The following PACSIN2 variants were observed in gnomAD, a reference collection of about 807,000 sequenced individuals.
The protein encoded by PACSIN2 is protein kinase C and casein kinase substrate in neurons 2, also known as protein kinase C and casein kinase substrate in neurons protein 2.
In PACSIN2, 25 loss-of-function variants were observed where a neutral mutation model predicts 63.8. The observed-to-expected ratio is 0.39, with a 90% CI of 0.29 to 0.55. The LOEUF (loss-of-function observed/expected upper bound fraction) is 0.55, where lower values mean the gene tolerates loss of function less well. Among genes scored for constraint, PACSIN2 ranks in the 20% least tolerant of loss-of-function variants. The probability of loss-of-function intolerance (pLI) is 0.62; values close to 1 mark genes in which losing one functional copy is unlikely to be tolerated. For synonymous variants in PACSIN2, 255 were observed against 256.2 expected (o/e 1.00, Z 0.05); for missense variants, 518 against 646.9 (o/e 0.80, Z 2.16).
chr22:42,978,601 A>G (rs1434518351), intron 1 of PACSIN2, among the ~76,000 whole-genome samples: 1 of 152,212 alleles, frequency 6.6e-6, no homozygotes, highest in East Asian at 1.9e-4. Context: ...GAAGGTTTCC[A>G]TGCCCGCACT....
At position 43,009,863 on chromosome 22, in the gene PACSIN2, C is replaced by CTTTTTTT. The variant is rs762256300; in HGVS notation, c.-78+5157_-78+5158insAAAAAAA. The stretch of plus-strand genomic sequence containing the variant: ...TAGTTGAGACATCATTTTATTTTTT[C>CTTTTTTT]TATTTTTTTTTTTTTTTTTTTTTGA... On this transcript the variant is annotated intron_variant, in intron 1 of 10. Coordinates refer to ENST00000263246, the MANE Select transcript of PACSIN2 (RefSeq NM_001184970.3). Among the ~76,000 whole-genome samples the CTTTTTTT allele has an allele frequency of 2.0e-4, 26 of 131,814 alleles. 1 individual carries two copies. The highest frequency in any genetic ancestry group is 4.0e-4 in the Admixed American group (5 of 12,414). The allele number at this position is 131,814 out of a possible 152,430, so 86.5% of individuals were successfully genotyped here. A position where few individuals can be genotyped will look rare whatever the true frequency, so the allele number is the denominator to read the frequency against.
chr22:42,880,786 C>G (rs1420797705), intron 7 of PACSIN2, among the ~76,000 whole-genome samples: 5 of 151,892 alleles, frequency 3.3e-5, no homozygotes, highest in Non-Finnish European at 5.9e-5. Context: ...CTCCAGGAGA[C>G]AGACTGTCAA....
At chr22:42,908,616 T>C (rs1931242626) in intron 2 of PACSIN2, among the ~76,000 whole-genome samples, 1 of 152,178 alleles carries the variant, frequency 6.6e-6, no homozygotes, top group Non-Finnish European at 1.5e-5. Context: ...GGCTCTGACT[T>C]GCTGAGGGAG....
At chr22:42,964,519 CT>C (rs1439048227) in intron 1 of PACSIN2, among the ~76,000 whole-genome samples, 1 of 152,006 alleles carries the variant, frequency 6.6e-6, no homozygotes, top group Non-Finnish European at 1.5e-5. Flanking sequence ...TCGCCTCAGT[CT>C]TTCCCTAGCA....
intron 1 of PACSIN2, among the ~76,000 whole-genome samples, chr22:42,931,402 C>T (rs2146775226): frequency 6.6e-6 from 1 of 152,338 alleles, no homozygotes; most frequent in Admixed American, 6.5e-5. Flanking sequence ...GAAATGGCTT[C>T]CAAGCCAGCG....
intron 1 of PACSIN2, among the ~76,000 whole-genome samples, chr22:42,970,919 G>A (rs920269485): frequency 6.6e-6 from 1 of 152,058 alleles, no homozygotes; most frequent in Non-Finnish European, 1.5e-5. Context: ...GTCAGACAGC[G>A]ACCCAGGCTC....
At chr22:42,897,994 T>C (rs1930405824) in intron 2 of PACSIN2, among the ~76,000 whole-genome samples, 1 of 151,050 alleles carries the variant, frequency 6.6e-6, no homozygotes, top group African/African-American at 2.4e-5. Flanking sequence ...AGGCTAGGCC[T>C]GCATCCTGAA....
chr22:42,872,523 T>C (rs186869119), intron 10 of PACSIN2, among the ~76,000 whole-genome samples: 22 of 152,378 alleles, frequency 1.4e-4, no homozygotes, highest in Admixed American at 3.9e-4. Flanking sequence ...TGGTTTAGCA[T>C]TTCCCTGATG....
chr22:42,936,873 A>G (rs1423673965), intron 1 of PACSIN2, among the ~76,000 whole-genome samples: 1 of 135,908 alleles, frequency 7.4e-6, no homozygotes, highest in Non-Finnish European at 1.6e-5. Flanking sequence ...ATCATGCCAT[A>G]GCACTCCAGC....
At chr22:42,872,382 G>C (rs778291987) in intron 10 of PACSIN2, among the ~76,000 whole-genome samples, 1 of 152,214 alleles carries the variant, frequency 6.6e-6, no homozygotes, top group Non-Finnish European at 1.5e-5. Context: ...CTCGGACCTC[G>C]TCAGGAGCAA....
chr22:42,881,176 T>C (rs1929044102), intron 7 of PACSIN2, among the ~76,000 whole-genome samples: 1 of 152,098 alleles, frequency 6.6e-6, no homozygotes, highest in Non-Finnish European at 1.5e-5. Context: ...TTAAGGGCCA[T>C]AAAAGAAGTG....
chr22:42,893,121 G>A (rs1240903396), intron 3 of PACSIN2, among the ~76,000 whole-genome samples: 1 of 152,224 alleles, frequency 6.6e-6, no homozygotes, highest in East Asian at 1.9e-4. Context: ...CTCAGTGTTA[G>A]AAACTAAGGT....
intron 1 of PACSIN2, among the ~76,000 whole-genome samples, chr22:42,928,243 G>A (rs1053168147): frequency 5.3e-5 from 8 of 152,212 alleles, no homozygotes; most frequent in African/African-American, 1.7e-4. Flanking sequence ...AAAAAATGTC[G>A]CTGCCTCTGA....
intron 1 of PACSIN2, among the ~76,000 whole-genome samples, chr22:42,982,869 TAAAAAAAAAAA>T (rs1252040629): frequency 2.3e-5 from 1 of 44,010 alleles, no homozygotes; most frequent in African/African-American, 6.8e-5. Flanking sequence ...GAATGATCAA[TAAAAAAAAAAA>T]AAAAAAAAAA....
At chr22:42,961,404 C>A (rs918166482) in intron 1 of PACSIN2, among the ~76,000 whole-genome samples, 9 of 149,964 alleles carry the variant, frequency 6.0e-5, no homozygotes, top group African/African-American at 2.2e-4. Context: ...TCCTATGACC[C>A]TGCCAAATCC....
intron 10 of PACSIN2, among the ~76,000 whole-genome samples, chr22:42,874,470 T>G (rs1486288896): frequency 5.3e-5 from 8 of 152,126 alleles, no homozygotes; most frequent in Admixed American, 1.3e-4. Flanking sequence ...AACACAGATA[T>G]GTGTGTGGGT....
chr22:42,907,352 G>A (rs1183885908), intron 2 of PACSIN2, among the ~76,000 whole-genome samples: 1 of 152,226 alleles, frequency 6.6e-6, no homozygotes, highest in Non-Finnish European at 1.5e-5. Flanking sequence ...TGGAGACTGA[G>A]GAGTTGATGC....
chr22:42,980,702 TG>T (rs1358669054), intron 1 of PACSIN2, among the ~76,000 whole-genome samples: 1 of 107,156 alleles, frequency 9.3e-6, no homozygotes, highest in African/African-American at 3.7e-5. Context: ...TTGGCCGGGC[TG>T]GTCTCCAGCT....
At chr22:42,972,115 G>A (rs111670760) in intron 1 of PACSIN2, among the ~76,000 whole-genome samples, 11,491 of 152,302 alleles carry the variant, frequency 0.075, 579 homozygotes, top group Non-Finnish European at 0.11. Flanking sequence ...TACTGTGTCT[G>A]TGTGGAAAGA....
Sources: gnomAD v4.1 joint callset for allele counts (sites outside exome capture counted in the v4.1 genomes callset) on GRCh38, gnomAD v4.1.1 for gene constraint, MANE v1.5 for transcripts, NCBI Gene and HGNC (gene_info 2026-07-23, HGNC 2026-07-21) for gene names.